The following SNTG2 variants were observed in gnomAD, a reference collection of about 807,000 sequenced individuals.
The protein encoded by SNTG2 is syntrophin gamma 2.
In SNTG2, 74 loss-of-function variants were observed where a neutral mutation model predicts 70.9. The ratio of observed to expected loss-of-function variants is 1.04; its 90% CI spans 0.86 to 1.27. SNTG2 has a LOEUF of 1.27. Ranked by LOEUF, SNTG2 falls within the 50% of genes most tolerant of loss-of-function variation. SNTG2 has a pLI of 0.00. For missense variants in SNTG2, 717 were observed against 690.7 expected (o/e 1.04, Z -0.43); for synonymous variants, 278 against 273.8 (o/e 1.02, Z -0.15).
At chr2:1,172,633 C>T (rs1671200263) in intron 7 of SNTG2, among the ~76,000 whole-genome samples, 1 of 152,156 alleles carries the variant, frequency 6.6e-6, no homozygotes, top group Admixed American at 6.5e-5. Flanking sequence ...TTTATGAGCA[C>T]CTGTTTTACC....
intron 1 of SNTG2, among the ~76,000 whole-genome samples, chr2:1,057,081 G>A (rs1662511377): frequency 6.6e-6 from 1 of 151,998 alleles, no homozygotes; most frequent in African/African-American, 2.4e-5. Flanking sequence ...GTTGGACGGG[G>A]CTTTCTGAGC....
At chr2:1,204,731 G>A (rs4247822) in intron 8 of SNTG2, among the ~76,000 whole-genome samples, 49,254 of 151,916 alleles carry the variant, frequency 0.32, 8,539 homozygotes, top group East Asian at 0.65. Context: ...AATCTCTTAC[G>A]GGGCCTAATT....
At chr2:1,115,686 T>C (rs74465969) in intron 4 of SNTG2, among the ~76,000 whole-genome samples, 4 of 130,242 alleles carry the variant, frequency 3.1e-5, no homozygotes, top group Admixed American at 1.6e-4. Context: ...AGGTTTAACA[T>C]TTACAGTCCT....
At chr2:1,037,450 A>G (rs911186876) in intron 1 of SNTG2, among the ~76,000 whole-genome samples, 3 of 152,162 alleles carry the variant, frequency 2.0e-5, no homozygotes, top group Admixed American at 2.0e-4. Flanking sequence ...TTGGCACAAT[A>G]GGTTTTAGAC....
intron 1 of SNTG2, among the ~76,000 whole-genome samples, chr2:979,134 A>C (rs932808054): frequency 6.6e-6 from 1 of 152,234 alleles, no homozygotes; most frequent in East Asian, 1.9e-4. Flanking sequence ...GGAAATTGAA[A>C]TGAAAATATT....
chr2:1,321,697 A>G (rs1285709126), intron 16 of SNTG2, among the ~76,000 whole-genome samples: 6 of 152,196 alleles, frequency 3.9e-5, no homozygotes, highest in Admixed American at 2.6e-4. Context: ...CTCCCTGTGC[A>G]TGAACCAGGG....
rs778359524 is a variant in SNTG2 at position 1,173,104 on chromosome 2, C to T, written c.512C>T (p.Pro171Leu). The T allele has an allele frequency of 3.7e-6, 6 of 1,613,936 alleles. No individual in the cohort carries two copies. The highest frequency in any genetic ancestry group is 5.1e-6 in the Non-Finnish European group (6 of 1,179,870). The change falls in exon 8 of 17, where the codon CCA becomes CTA. Residue 171 changes from proline to leucine, a missense_variant. By Grantham distance (98) the Pro-to-Leu change is moderately conservative. Transcript: ENST00000308624. The part of the protein sequence containing the change: ...FLKLPLGSPG[P>L]SSDHSSGASS... ...TGTTTTGCTGCAGGGTCCCCAGGGC[C>T]ATCCAGCGACCACAGCAGTGGGGCC...
chr2:1,031,510 A>T lies in SNTG2; in HGVS notation c.73-52008A>T, dbSNP rs188129887. 5.5e-3 allele frequency among the ~76,000 whole-genome samples: 240 copies of T among 43,782 alleles called. 3 individuals are homozygous for T. Among genetic ancestry groups the T allele is most frequent in the Middle Eastern group, 0.011 (1 of 94 alleles). 28.7% of individuals were successfully genotyped at this position (43,782 alleles called of 152,430 possible). On this transcript the variant is annotated intron_variant, in intron 1 of 16. Coordinates refer to ENST00000308624, the MANE Select transcript of SNTG2 (RefSeq NM_018968.4). ...CTATTTGTATATATAGTTCATTGTT[A>T]TATATATATATATATATATTTTTTT...
intron 6 of SNTG2, among the ~76,000 whole-genome samples, chr2:1,152,544 A>G (rs1026178665): frequency 4.1e-5 from 6 of 146,766 alleles, no homozygotes; most frequent in South Asian, 2.1e-4. Flanking sequence ...TCATGTGTGC[A>G]CACACGTATG....
At chr2:1,164,571 T>C (rs1363732400) in intron 6 of SNTG2, among the ~76,000 whole-genome samples, 4 of 136,748 alleles carry the variant, frequency 2.9e-5, no homozygotes, top group Middle Eastern at 4.3e-3. Context: ...AGGTGGGATA[T>C]GCCTGGCCTA....
At chr2:1,113,115 C>G (rs1446786581) in intron 4 of SNTG2, among the ~76,000 whole-genome samples, 4 of 129,504 alleles carry the variant, frequency 3.1e-5, no homozygotes, top group Non-Finnish European at 7.0e-5. Context: ...ATCGTGTGTA[C>G]TAAGTGAGGT....
At chr2:1,211,041 A>G (rs1043555956) in intron 9 of SNTG2, among the ~76,000 whole-genome samples, 1 of 152,220 alleles carries the variant, frequency 6.6e-6, no homozygotes, top group Non-Finnish European at 1.5e-5. Context: ...GATTTATTGC[A>G]GTCATAGAGG....
At chr2:1,274,534 A>T (rs1205300866) in intron 14 of SNTG2, among the ~76,000 whole-genome samples, 1 of 152,144 alleles carries the variant, frequency 6.6e-6, no homozygotes, top group Non-Finnish European at 1.5e-5. Flanking sequence ...TCTTTCACGG[A>T]TTGTGTTTTT....
At position 1,068,940 on chromosome 2, in the gene SNTG2, A is replaced by G. The variant is rs539190728; in HGVS notation, c.73-14578A>G. ...TGGTAGGGCCGTACTCATTGACTAG[A>G]AATGCCAGTTTTTACCTCCAGGCTG... On this transcript the variant is annotated intron_variant, in intron 1 of 16. Transcript: ENST00000308624. 3.3e-5 allele frequency among the ~76,000 whole-genome samples: 5 copies of G among 152,324 alleles called. 1 individual carries two copies. Among genetic ancestry groups the G allele is most frequent in the Admixed American group, 3.3e-4 (5 of 15,296 alleles).
chr2:1,195,639 T>C (rs948986644), intron 8 of SNTG2, among the ~76,000 whole-genome samples: 2 of 152,316 alleles, frequency 1.3e-5, no homozygotes, highest in East Asian at 1.9e-4. Context: ...GTCAGATGAA[T>C]AGATTGCAAA....
intron 1 of SNTG2, among the ~76,000 whole-genome samples, chr2:989,795 A>G (rs1661432759): frequency 6.6e-6 from 1 of 152,260 alleles, no homozygotes; most frequent in Non-Finnish European, 1.5e-5. Context: ...CTTTGTGGAA[A>G]TAATGCAATT....
chr2:1,137,731 C>T (rs752546526), intron 5 of SNTG2, 37 bp from the exon 6 acceptor site: 27 of 1,613,310 alleles, frequency 1.7e-5, no homozygotes, highest in Admixed American at 1.0e-4. Context: ...ATTAATCAAT[C>T]GTTATTCTCA....
At chr2:1,005,238 A>G (rs1659528898) in intron 1 of SNTG2, among the ~76,000 whole-genome samples, 1 of 152,140 alleles carries the variant, frequency 6.6e-6, no homozygotes, top group Non-Finnish European at 1.5e-5. Context: ...ATGATCCTGT[A>G]GTGGTGGACA....
At chr2:1,330,281 T>G (rs985945787) in intron 16 of SNTG2, among the ~76,000 whole-genome samples, 1 of 152,246 alleles carries the variant, frequency 6.6e-6, no homozygotes, top group Non-Finnish European at 1.5e-5. Context: ...AAATTAATTC[T>G]TATACATATT....
Sources: allele counts gnomAD v4.1 joint callset (sites outside exome capture counted in the v4.1 genomes callset), GRCh38; gene constraint gnomAD v4.1.1; transcripts MANE v1.5; gene names NCBI Gene and HGNC (gene_info 2026-07-23, HGNC 2026-07-21).